Variants in KATNAL2 observed in about 807,000 individuals in gnomAD.
KATNAL2 encodes katanin catalytic subunit A1 like 2, also known as katanin p60 ATPase-containing subunit A-like 2.
A neutral mutation model predicts 76.3 loss-of-function variants in KATNAL2; 52 were observed. The observed-to-expected ratio is 0.68, with a 90% CI of 0.55 to 0.86. KATNAL2 has a LOEUF of 0.86. KATNAL2 is among the 40% of genes least tolerant of loss of function. The probability of loss-of-function intolerance (pLI) is 0.00; values close to 1 mark genes in which losing one functional copy is unlikely to be tolerated. For missense variants in KATNAL2, 660 were observed against 668.9 expected, an observed-to-expected ratio of 0.99 and a Z score of 0.15; for synonymous variants, 243 against 244.2, an observed-to-expected ratio of 1.00 and a Z score of 0.05.
chr18:46,957,279 G>A (rs2059783926), intron 3 of KATNAL2, among the ~76,000 whole-genome samples: 1 of 137,824 alleles, frequency 7.3e-6, no homozygotes, highest in Non-Finnish European at 1.5e-5. Flanking sequence ...TTTTTGAGAC[G>A]GAGTCTCGCT....
intron 13 of KATNAL2, among the ~76,000 whole-genome samples, chr18:47,070,349 C>T (rs569517671): frequency 8.4e-4 from 128 of 152,194 alleles, no homozygotes; most frequent in Non-Finnish European, 1.6e-3. Flanking sequence ...GATCTGCCTG[C>T]CTCAGCCTTC....
At chr18:46,945,479 AT>A (rs1394222330) in intron 1 of KATNAL2, among the ~76,000 whole-genome samples, 1 of 152,192 alleles carries the variant, frequency 6.6e-6, no homozygotes, top group Non-Finnish European at 1.5e-5. Flanking sequence ...ATTCACAAGC[AT>A]TGTAAGCAGT....
At chr18:47,034,615 C>G in intron 3 of KATNAL2, 4 of 1,614,142 alleles carry the variant, frequency 2.5e-6, no homozygotes, top group Non-Finnish European at 3.4e-6. Flanking sequence ...AACGGCTTTC[C>G]CCTGGGGTTG....
chr18:46,927,954 C>G (rs1390277224), intron 1 of KATNAL2, among the ~76,000 whole-genome samples: 1 of 152,164 alleles, frequency 6.6e-6, no homozygotes, highest in Non-Finnish European at 1.5e-5. Flanking sequence ...TTAAGGACTT[C>G]TCTGCATTGG....
At chr18:46,927,374 G>C (rs1263969404) in intron 1 of KATNAL2, among the ~76,000 whole-genome samples, 1 of 152,060 alleles carries the variant, frequency 6.6e-6, no homozygotes. Flanking sequence ...GAGATTCTGG[G>C]TCGAAAATTC....
intron 8 of KATNAL2, among the ~76,000 whole-genome samples, 184 bp from the exon 9 acceptor site, chr18:47,062,788 T>C (rs1413929487): frequency 6.6e-6 from 1 of 152,240 alleles, no homozygotes; most frequent in African/African-American, 2.4e-5. Flanking sequence ...TACAATTTTT[T>C]AAGGTGCTCC....
At chr18:46,947,021 T>C (rs2059400611) in intron 3 of KATNAL2, 98 bp downstream of exon 3, 2 of 882,982 alleles carry the variant, frequency 2.3e-6, no homozygotes, top group East Asian at 2.6e-5. Flanking sequence ...GGCGACAGAG[T>C]CCGCTACTAG....
intron 15 of KATNAL2, among the ~76,000 whole-genome samples, chr18:47,097,140 A>AAAAAT (rs1460369446): frequency 3.3e-5 from 5 of 151,042 alleles, no homozygotes; most frequent in African/African-American, 1.2e-4. Context: ...AAAAAAAAAA[A>AAAAAT]TCCAACTCTG....
At chr18:46,936,374 T>C (rs142051498) in intron 1 of KATNAL2, among the ~76,000 whole-genome samples, 4 of 152,286 alleles carry the variant, frequency 2.6e-5, no homozygotes, top group Admixed American at 2.0e-4. Flanking sequence ...ACAATTAAGC[T>C]AGAAGTCAAT....
At chr18:46,940,846 G>C (rs549422922) in intron 1 of KATNAL2, among the ~76,000 whole-genome samples, 1 of 152,120 alleles carries the variant, frequency 6.6e-6, no homozygotes, top group Non-Finnish European at 1.5e-5. Flanking sequence ...TAACATAGCT[G>C]GACTCCTGCT....
At chr18:46,958,473 ATGCGTG>A (rs1569021484) in intron 3 of KATNAL2, among the ~76,000 whole-genome samples, 1 of 152,202 alleles carries the variant, frequency 6.6e-6, no homozygotes, top group Non-Finnish European at 1.5e-5. Context: ...ACACATGTGC[ATGCGTG>A]TGCGTGTGTA....
At chr18:47,059,750 T>C in intron 8 of KATNAL2, 96 bp downstream of exon 8, 1 of 916,644 alleles carries the variant, frequency 1.1e-6, no homozygotes, top group Admixed American at 2.0e-5. Flanking sequence ...AACAGGAAAG[T>C]TAAGATGTGA....
chr18:47,096,757 C>T (rs2063258511), intron 15 of KATNAL2, among the ~76,000 whole-genome samples: 1 of 152,082 alleles, frequency 6.6e-6, no homozygotes, highest in Non-Finnish European at 1.5e-5. Context: ...TTTAGAGTAA[C>T]CAAATAGCCT....
intron 3 of KATNAL2, chr18:47,033,613 G>A (rs377434176): frequency 6.2e-7 from 1 of 1,614,180 alleles, no homozygotes; most frequent in Non-Finnish European, 8.5e-7. Flanking sequence ...AACCCAGTAG[G>A]GGACCTCTCC....
Position 47,035,413 on chromosome 18 carries a change from G to T in KATNAL2, c.52-11044G>T, listed in dbSNP as rs1397475185. ...TGGAGTCACAGCCTGGAGCGAGCTGGGTCCTCGGAGCAGCAGGCCACTTGG... is the reference window on the plus strand; with the variant it reads ...TGGAGTCACAGCCTGGAGCGAGCTGTGTCCTCGGAGCAGCAGGCCACTTGG... On this transcript the variant is annotated intron_variant, in intron 3 of 17. Coordinates refer to ENST00000683218, the MANE Select transcript of KATNAL2 (RefSeq NM_001387690.1). The T allele has an allele frequency of 1.2e-5, 18 of 1,469,648 alleles. No individual in the cohort carries two copies. In the East Asian group the frequency reaches 3.7e-4, roughly 30 times the overall value. 91.0% of individuals were successfully genotyped at this position (1,469,648 alleles called of 1,614,324 possible). A position where few individuals can be genotyped will look rare whatever the true frequency, so the allele number is the denominator to read the frequency against.
At chr18:47,073,107 G>A (rs924125606) in intron 13 of KATNAL2, among the ~76,000 whole-genome samples, 9 of 152,144 alleles carry the variant, frequency 5.9e-5, no homozygotes, top group South Asian at 2.1e-4. Flanking sequence ...GGTTGTACTC[G>A]CTTACAGTCC....
chr18:47,061,124 TG>T (rs1273012701), intron 8 of KATNAL2, among the ~76,000 whole-genome samples: 1 of 152,270 alleles, frequency 6.6e-6, no homozygotes, highest in Non-Finnish European at 1.5e-5. Flanking sequence ...GTATATGGCC[TG>T]GGGCCAATCT....
chr18:47,082,339 C>G (rs998413569), intron 15 of KATNAL2, among the ~76,000 whole-genome samples: 3 of 152,150 alleles, frequency 2.0e-5, no homozygotes, highest in Non-Finnish European at 4.4e-5. Flanking sequence ...TTGTGACAAC[C>G]AAAATATGTC....
chr18:47,053,169 T>C lies in KATNAL2; in HGVS notation c.289+123T>C, dbSNP rs1333053268. 3 of 758,946 alleles carry C rather than the reference T, an allele frequency of 4.0e-6. No individual in the cohort carries two copies. The African/African-American group carries it at 5.3e-5, about 13-fold the overall frequency. 47.0% of individuals were successfully genotyped at this position (758,946 alleles called of 1,614,324 possible). A position where few individuals can be genotyped will look rare whatever the true frequency, so the allele number is the denominator to read the frequency against. ...CACCAAAGGAGTAGGCCAGGAGGAT[T>C]GTGTAGCCATTCTCATATCCAGCAC... On this transcript the variant is annotated intron_variant, in intron 5 of 17. Transcript: ENST00000683218.
Sources: allele counts gnomAD v4.1 joint callset (sites outside exome capture counted in the v4.1 genomes callset), GRCh38; gene constraint gnomAD v4.1.1; transcripts MANE v1.5; gene names NCBI Gene and HGNC (gene_info 2026-07-23, HGNC 2026-07-21).